The following ZNF385D variants were observed in gnomAD, a reference collection of about 807,000 sequenced individuals.
ZNF385D encodes zinc finger protein 659.
In ZNF385D, 15 loss-of-function variants were observed where a neutral mutation model predicts 35.8. The observed-to-expected ratio is 0.42, with a 90% CI of 0.28 to 0.64. The LOEUF (loss-of-function observed/expected upper bound fraction) is 0.64, where lower values mean the gene tolerates loss of function less well. Among genes scored for constraint, ZNF385D ranks in the 30% least tolerant of loss-of-function variants. The probability of loss-of-function intolerance (pLI) is 0.23; values close to 1 mark genes in which losing one functional copy is unlikely to be tolerated. For synonymous variants in ZNF385D, 212 were observed against 186.8 expected (o/e 1.13, Z -1.10); for missense variants, 474 against 494.6 (o/e 0.96, Z 0.39).
intron 3 of ZNF385D, among the ~76,000 whole-genome samples, chr3:21,883,731 T>G (rs1340670949): frequency 3.3e-5 from 5 of 152,082 alleles, no homozygotes; most frequent in Non-Finnish European, 7.4e-5. Context: ...TTTTGTTACA[T>G]TCCATCAGAT....
chr3:22,049,792 T>C (rs1407151597), intron 3 of ZNF385D, among the ~76,000 whole-genome samples: 1 of 152,204 alleles, frequency 6.6e-6, no homozygotes, highest in East Asian at 1.9e-4. Flanking sequence ...TAATGTGGTA[T>C]ATTGCATTTG....
intron 3 of ZNF385D, among the ~76,000 whole-genome samples, chr3:22,091,689 G>A (rs778404223): frequency 2.1e-4 from 32 of 152,110 alleles, no homozygotes; most frequent in Non-Finnish European, 3.4e-4. Flanking sequence ...AGAGCCCCCC[G>A]ACTGAAGGAG....
At chr3:21,883,434 T>C (rs1484162548) in intron 3 of ZNF385D, among the ~76,000 whole-genome samples, 1 of 152,036 alleles carries the variant, frequency 6.6e-6, no homozygotes, top group Admixed American at 6.6e-5. Flanking sequence ...GGCCTTCATT[T>C]TTCACATCTA....
At chr3:21,540,539 A>C (rs2062148137) in intron 3 of ZNF385D, among the ~76,000 whole-genome samples, 1 of 152,188 alleles carries the variant, frequency 6.6e-6, no homozygotes, top group Non-Finnish European at 1.5e-5. Flanking sequence ...CAGAGAAAAT[A>C]AGCTCTGCTT....
chr3:22,290,297 C>G (rs1471654988), intron 2 of ZNF385D, among the ~76,000 whole-genome samples: 5 of 152,110 alleles, frequency 3.3e-5, no homozygotes, highest in Admixed American at 3.3e-4. Flanking sequence ...TATGAATGCT[C>G]TCCTCAGACC....
chr3:21,889,931 G>A (rs1176215980), intron 3 of ZNF385D, among the ~76,000 whole-genome samples: 1 of 151,990 alleles, frequency 6.6e-6, no homozygotes, highest in Non-Finnish European at 1.5e-5. Context: ...TCTTCACATA[G>A]CATCTCTGTG....
chr3:22,269,399 A>C (rs1457962080), intron 2 of ZNF385D, among the ~76,000 whole-genome samples: 1 of 151,976 alleles, frequency 6.6e-6, no homozygotes, highest in African/African-American at 2.4e-5. Context: ...TGAGCTGCTA[A>C]AATAGGCACT....
intron 3 of ZNF385D, among the ~76,000 whole-genome samples, chr3:22,006,553 A>G (rs1696217117): frequency 6.6e-6 from 1 of 152,002 alleles, no homozygotes; most frequent in Non-Finnish European, 1.5e-5. Context: ...AGGAAAGATA[A>G]AAAGTCGGAT....
At chr3:21,549,789 C>T (rs1004315026) in intron 3 of ZNF385D, among the ~76,000 whole-genome samples, 3 of 152,178 alleles carry the variant, frequency 2.0e-5, no homozygotes, top group Admixed American at 2.0e-4. Context: ...GAGACTAACA[C>T]AGGACACTCT....
intron 2 of ZNF385D, among the ~76,000 whole-genome samples, chr3:22,311,618 A>G (rs947935967): frequency 2.0e-5 from 3 of 152,144 alleles, no homozygotes; most frequent in African/African-American, 7.2e-5. Context: ...ACTCGAAAGA[A>G]TTTTACATTT....
rs142331591 is a variant in ZNF385D at position 22,183,443 on chromosome 3, C to T, written c.107-14408G>A. On this transcript the variant is annotated intron_variant, in intron 2 of 5. Coordinates refer to the ZNF385D transcript ENST00000494108. ...TGCAATCTTGGCTCACTACAACCTC[C>T]GCCTCCCGGGTTCAAGCGATTCTCC... Among the ~76,000 whole-genome samples the T allele has an allele frequency of 2.4e-3, 365 of 152,012 alleles. 1 individual carries two copies. Among genetic ancestry groups the T allele is most frequent in the African/African-American group, 8.4e-3 (349 of 41,472 alleles).
At chr3:21,710,108 T>TCAGACAAA (rs1559540751) in intron 1 of ZNF385D, among the ~76,000 whole-genome samples, 1 of 151,916 alleles carries the variant, frequency 6.6e-6, no homozygotes, top group Non-Finnish European at 1.5e-5. Context: ...CAGAAACAGA[T>TCAGACAAA]ATCAGACAAG....
At chr3:22,306,417 G>T (rs553596422) in intron 2 of ZNF385D, among the ~76,000 whole-genome samples, 1 of 151,730 alleles carries the variant, frequency 6.6e-6, no homozygotes, top group African/African-American at 2.4e-5. Flanking sequence ...TTATTAAGTT[G>T]ATATTCTTAT....
intron 2 of ZNF385D, among the ~76,000 whole-genome samples, chr3:22,228,351 G>A (rs1194473113): frequency 6.6e-6 from 1 of 152,134 alleles, no homozygotes; most frequent in African/African-American, 2.4e-5. Context: ...CAGGTTGGCA[G>A]GTCACTGGTC....
At chr3:22,130,282 C>A (rs1484626901) in intron 3 of ZNF385D, among the ~76,000 whole-genome samples, 2 of 152,132 alleles carry the variant, frequency 1.3e-5, no homozygotes, top group East Asian at 3.9e-4. Context: ...TGCAAGTATC[C>A]CCTTAGCCAA....
chr3:21,876,748 TA>T (rs770954148), intron 3 of ZNF385D, among the ~76,000 whole-genome samples: 10 of 152,030 alleles, frequency 6.6e-5, no homozygotes, highest in Non-Finnish European at 1.3e-4. Flanking sequence ...TCCTGTTTTG[TA>T]GTACAAAATC....
chr3:22,355,048 ATTTG>A (rs1198820209), intron 2 of ZNF385D, among the ~76,000 whole-genome samples: 2 of 152,074 alleles, frequency 1.3e-5, no homozygotes, highest in East Asian at 1.9e-4. Context: ...GAAATTATAC[ATTTG>A]TTTGTGAGCC....
Position 21,646,679 on chromosome 3 carries a change from C to T in ZNF385D, c.165+18207G>A, listed in dbSNP as rs1559486205. ...TCAGAGGCAATTAGAAAGAAAGAAA[C>T]AGGCCTGCCTTCACTTCTCAACCAT... On this transcript the variant is annotated intron_variant, in intron 2 of 7. Transcript: ENST00000281523. The surrounding 1 kb of genome is among the most constrained non-coding windows in gnomAD (Gnocchi z 4.3). Among the ~76,000 whole-genome samples, 1 of 152,194 alleles carries T rather than the reference C, an allele frequency of 6.6e-6. No individual in the cohort carries two copies. The highest frequency in any genetic ancestry group is 1.5e-5 in the Non-Finnish European group (1 of 68,036).
At chr3:21,631,670 A>G (rs141785412) in intron 2 of ZNF385D, among the ~76,000 whole-genome samples, 186 of 152,244 alleles carry the variant, frequency 1.2e-3, no homozygotes, top group African/African-American at 3.8e-3. Context: ...TTCTTTAAAG[A>G]TGGACATCAA....
Sources: gnomAD v4.1 joint callset for allele counts (sites outside exome capture counted in the v4.1 genomes callset) on GRCh38, gnomAD v4.1.1 for gene constraint, Gnocchi (gnomAD v3.1) non-coding constraint, MANE v1.5 for transcripts, NCBI Gene and HGNC (gene_info 2026-07-23, HGNC 2026-07-21) for gene names.